Variants in FAM135B observed in about 807,000 individuals in gnomAD.
The protein encoded by FAM135B is family with sequence similarity 135 member B, also known as protein FAM135B.
In FAM135B, 43 loss-of-function variants were observed where a neutral mutation model predicts 127.7. The ratio of observed to expected loss-of-function variants is 0.34; its 90% CI spans 0.26 to 0.43. The LOEUF (loss-of-function observed/expected upper bound fraction) is 0.43. Ranked by LOEUF, FAM135B falls within the 20% of genes least tolerant of loss-of-function variation. The pLI, the probability that FAM135B is intolerant of heterozygous loss-of-function variation, is 1.00. For missense variants in FAM135B, 1,558 were observed against 1,725.6 expected (o/e 0.90, Z 1.72); for synonymous variants, 670 against 665.1 (o/e 1.01, Z -0.11).
chr8:138,393,633 G>A (rs1313315228), intron 1 of FAM135B, among the ~76,000 whole-genome samples: 1 of 152,098 alleles, frequency 6.6e-6, no homozygotes, highest in Middle Eastern at 3.2e-3. Context: ...TAATAATGCT[G>A]AATGGAAATA....
intron 1 of FAM135B, among the ~76,000 whole-genome samples, chr8:138,414,859 A>G (rs1455847708): frequency 6.6e-6 from 1 of 152,144 alleles, no homozygotes; most frequent in Admixed American, 6.6e-5. Flanking sequence ...ACATGGAGGA[A>G]TCTCTGTGCA....
chr8:138,240,005 G>A (rs796628558), intron 7 of FAM135B, among the ~76,000 whole-genome samples: 42 of 144,432 alleles, frequency 2.9e-4, no homozygotes, highest in African/African-American at 1.1e-3. Flanking sequence ...GTCATGGGGT[G>A]GGGGAGGGGG....
intron 3 of FAM135B, among the ~76,000 whole-genome samples, chr8:138,268,043 G>A (rs935013184): frequency 4.6e-5 from 7 of 152,150 alleles, no homozygotes; most frequent in South Asian, 2.1e-4. Context: ...GCCCTGAGCC[G>A]TCTGCCACCA....
intron 1 of FAM135B, among the ~76,000 whole-genome samples, chr8:138,393,718 C>T (rs1022943911): frequency 6.6e-6 from 1 of 152,198 alleles, no homozygotes; most frequent in Admixed American, 6.5e-5. Flanking sequence ...GCTTAGCACC[C>T]CCACTGTCCT....
intron 3 of FAM135B, among the ~76,000 whole-genome samples, chr8:138,307,500 C>T (rs1563880824): frequency 6.6e-6 from 1 of 152,142 alleles, no homozygotes; most frequent in Non-Finnish European, 1.5e-5. Context: ...TTTAAATATC[C>T]CTTCTGTCAC....
In FAM135B at chr8:138,152,992, A is replaced by C. The variant is rs779048285; in HGVS notation, c.1483T>G (p.Cys495Gly). 4 of 1,614,218 alleles carry C rather than the reference A, an allele frequency of 2.5e-6. No homozygotes were observed. The Admixed American group carries it at 6.7e-5, about 27-fold the overall frequency. ...NVATQNHMDM[C>G]SESQVYISIG... is the part of the protein sequence containing the mutation. ...GATATATACACCTGAGATTCAGAGC[A>C]CATGTCCATATGATTTTGTGTGGCC... The change falls in exon 13 of 20, where the codon TGC becomes GGC. Residue 495 changes from cysteine to glycine, a missense_variant. Physicochemically the swap from Cys to Gly is radical, Grantham distance 159 (BLOSUM62 -3). Around this residue, in one of 5 missense-constraint regions of FAM135B, gnomAD observed 923 missense variants for 865.3 expected, o/e 1.07. Transcript: ENST00000395297.
chr8:138,181,447 C>G (rs1815027914), intron 9 of FAM135B, among the ~76,000 whole-genome samples: 1 of 152,040 alleles, frequency 6.6e-6, no homozygotes, highest in Admixed American at 6.5e-5. Flanking sequence ...AAATGCCCCC[C>G]ACCTCACCTC....
intron 10 of FAM135B, 28 bp from the exon 11 acceptor site, chr8:138,177,448 C>A (rs894471319): frequency 6.3e-7 from 1 of 1,587,800 alleles, no homozygotes; most frequent in Non-Finnish European, 8.6e-7. Flanking sequence ...GTAAACAGTT[C>A]AATTCTTTAG....
intron 1 of FAM135B, among the ~76,000 whole-genome samples, chr8:138,373,880 C>T (rs1015466324): frequency 6.6e-6 from 1 of 152,112 alleles, no homozygotes; most frequent in Non-Finnish European, 1.5e-5. Context: ...TGCTCTCAAA[C>T]CCTGTCTCCT....
intron 3 of FAM135B, among the ~76,000 whole-genome samples, chr8:138,285,308 G>A (rs1277578113): frequency 6.6e-6 from 1 of 151,690 alleles, no homozygotes; most frequent in Non-Finnish European, 1.5e-5. Context: ...CAACATGCCC[G>A]GCTAATTTTT....
intron 1 of FAM135B, among the ~76,000 whole-genome samples, chr8:138,465,542 A>G (rs1837338456): frequency 6.6e-6 from 1 of 152,160 alleles, no homozygotes; most frequent in Non-Finnish European, 1.5e-5. Context: ...CCACCCAGAA[A>G]TGCAATGCCC....
chr8:138,253,984 C>T (rs1204137260), intron 5 of FAM135B, among the ~76,000 whole-genome samples: 1 of 152,166 alleles, frequency 6.6e-6, no homozygotes, highest in Non-Finnish European at 1.5e-5. Context: ...TCATGAAATC[C>T]CTTGCTCTGA....
chr8:138,463,707 G>T (rs1429598399), intron 1 of FAM135B, among the ~76,000 whole-genome samples: 4 of 152,166 alleles, frequency 2.6e-5, no homozygotes, highest in Non-Finnish European at 4.4e-5. Context: ...TTCAGGGAGG[G>T]AGTTAGAAAA....
intron 2 of FAM135B, among the ~76,000 whole-genome samples, chr8:138,364,158 T>C (rs1344988659): frequency 1.3e-5 from 2 of 152,196 alleles, no homozygotes; most frequent in African/African-American, 4.8e-5. Context: ...GAACACTTGC[T>C]GGATAAAGTA....
At chr8:138,216,312 G>A (rs1487242985) in intron 7 of FAM135B, among the ~76,000 whole-genome samples, 3 of 152,156 alleles carry the variant, frequency 2.0e-5, no homozygotes, top group Admixed American at 6.5e-5. Context: ...TCTGAGATAA[G>A]CTTTCCTCAG....
chr8:138,287,177 T>C (rs1824753009), intron 3 of FAM135B, among the ~76,000 whole-genome samples: 1 of 152,174 alleles, frequency 6.6e-6, no homozygotes, highest in Non-Finnish European at 1.5e-5. Flanking sequence ...AAAGATGTGG[T>C]TGGCAGAAGA....
At chr8:138,264,231 G>A (rs1017324413) in intron 4 of FAM135B, among the ~76,000 whole-genome samples, 1 of 152,184 alleles carries the variant, frequency 6.6e-6, no homozygotes, top group Non-Finnish European at 1.5e-5. Context: ...TCTCAGTTCT[G>A]CATTGGCTTC....
At chr8:138,362,103 G>A (rs544218489) in intron 2 of FAM135B, among the ~76,000 whole-genome samples, 7 of 151,936 alleles carry the variant, frequency 4.6e-5, no homozygotes, top group Admixed American at 6.6e-5. Context: ...CTCCTCAAGC[G>A]TATTTATCCT....
At chr8:138,296,986 T>C (rs972469842) in intron 3 of FAM135B, among the ~76,000 whole-genome samples, 12 of 152,168 alleles carry the variant, frequency 7.9e-5, no homozygotes, top group African/African-American at 2.9e-4. Context: ...CAATTTGTCA[T>C]GACCTGGGAT....
Sources: gnomAD v4.1 joint callset for allele counts (sites outside exome capture counted in the v4.1 genomes callset) on GRCh38, gnomAD v4.1.1 for gene constraint, gnomAD v4.1.1 regional missense constraint, MANE v1.5 for transcripts, NCBI Gene and HGNC (gene_info 2026-07-23, HGNC 2026-07-21) for gene names.